Variants in TENM3 observed in about 807,000 individuals in gnomAD.
TENM3 encodes the protein teneurin-3.
TENM3 carries 63 observed loss-of-function variants against 255.1 expected under a neutral mutation model. The ratio of observed to expected loss-of-function variants is 0.25; its 90% CI spans 0.20 to 0.30. TENM3 has a LOEUF of 0.30. Among genes scored for constraint, TENM3 ranks in the 10% least tolerant of loss-of-function variants. TENM3 has a pLI of 1.00. For synonymous variants in TENM3, 1,306 were observed against 1,322.3 expected, an observed-to-expected ratio of 0.99 and a Z score of 0.27; for missense variants, 2,929 against 3,461.1, an observed-to-expected ratio of 0.85 and a Z score of 3.86.
the TENM3 span, among the ~76,000 whole-genome samples, chr4:181,632,257 G>A: frequency 7.2e-5 from 11 of 152,178 alleles, no homozygotes; most frequent in South Asian, 4.2e-4. Context: ...CTTTTAAACC[G>A]TCATATCTCG....
chr4:182,449,143 T>G lies in TENM3; in HGVS notation c.511+102214T>G, dbSNP rs1038162867. 2.1e-3 allele frequency: 418 copies of G among 194,750 alleles called. 1 individual carries two copies. The highest frequency in any genetic ancestry group is 3.3e-3 in the Non-Finnish European group (330 of 100,166). 12.1% of individuals were successfully genotyped at this position (194,750 alleles called of 1,614,324 possible). A position where few individuals can be genotyped will look rare whatever the true frequency, so the allele number is the denominator to read the frequency against. ...CGGGCTGGCGGAGCGCGGCTCCCGG[T>G]GAGGCTCCCCGCGCGGCAGGGTCGC... On this transcript the variant is annotated intron_variant, in intron 3 of 27. Transcript: ENST00000511685.
intron 1 of TENM3, among the ~76,000 whole-genome samples, chr4:182,322,063 A>G (rs1029449083): frequency 1.3e-5 from 2 of 152,190 alleles, no homozygotes; most frequent in African/African-American, 4.8e-5. Context: ...ATACCTTGAA[A>G]TTGTTTATTA....
chr4:182,393,243 A>G (rs1351732472), intron 3 of TENM3, among the ~76,000 whole-genome samples: 6 of 152,212 alleles, frequency 3.9e-5, no homozygotes, highest in Admixed American at 2.6e-4. Flanking sequence ...TTAGTTCAAT[A>G]TGGCCTGTCA....
At chr4:182,271,118 C>T (rs185609537) in intron 1 of TENM3, among the ~76,000 whole-genome samples, 76 of 152,218 alleles carry the variant, frequency 5.0e-4, no homozygotes, top group Middle Eastern at 3.4e-3. Flanking sequence ...ATAGAAATTC[C>T]TCCTGCTAAG....
At chr4:181,531,362 G>T in the TENM3 span, among the ~76,000 whole-genome samples, 2 of 152,144 alleles carry the variant, frequency 1.3e-5, no homozygotes, top group African/African-American at 4.8e-5. Context: ...TCAATTCTTG[G>T]CTTAGCTTTG....
the TENM3 span, among the ~76,000 whole-genome samples, chr4:182,127,759 G>C: frequency 1.3e-5 from 2 of 152,092 alleles, no homozygotes; most frequent in Non-Finnish European, 2.9e-5. Context: ...GCAAGCAATG[G>C]TTTTGCAATT....
intron 1 of TENM3, among the ~76,000 whole-genome samples, chr4:182,180,123 T>C (rs1302820561): frequency 2.2e-5 from 3 of 138,368 alleles, no homozygotes; most frequent in Non-Finnish European, 5.1e-5. Flanking sequence ...AAAAAAAAAA[T>C]CGAAGAGTTT....
At chr4:181,524,701 C>G in the TENM3 span, among the ~76,000 whole-genome samples, 1 of 152,112 alleles carries the variant, frequency 6.6e-6, no homozygotes, top group Non-Finnish European at 1.5e-5. Flanking sequence ...AATAATGAAA[C>G]AGAACAGGGG....
At chr4:182,057,779 G>A in the TENM3 span, among the ~76,000 whole-genome samples, 303 of 151,980 alleles carry the variant, frequency 2.0e-3, no homozygotes, top group Non-Finnish European at 3.2e-3. Flanking sequence ...TGAGGTAATC[G>A]CACAGTTTGG....
chr4:182,330,771 G>A (rs1044191714), intron 2 of TENM3, among the ~76,000 whole-genome samples: 2 of 152,212 alleles, frequency 1.3e-5, no homozygotes, highest in African/African-American at 2.4e-5. Flanking sequence ...AGTGTATATA[G>A]TTAAATCTCA....
intron 1 of TENM3, among the ~76,000 whole-genome samples, chr4:182,177,958 G>GC: frequency 8.5e-6 from 1 of 117,146 alleles, no homozygotes. Flanking sequence ...TTTGGTTTTT[G>GC]TTTTTTTTTT....
chr4:182,075,323 T>C, the TENM3 span, among the ~76,000 whole-genome samples: 6 of 150,238 alleles, frequency 4.0e-5, no homozygotes, highest in South Asian at 2.1e-4. Context: ...CTCAGCCTCC[T>C]GAGTAGCTGG....
chr4:182,792,658 A>T lies in TENM3; in HGVS notation c.5986A>T (p.Ile1996Phe). 6.2e-7 allele frequency: 1 copy of T among 1,613,990 alleles called. No individual in the cohort carries two copies. Among genetic ancestry groups the T allele is most frequent in the Non-Finnish European group, 8.5e-7 (1 of 1,179,890 alleles). ...GFICTIRYRQIGPLIDRQIFR... is the reference protein window; with the variant it reads ...GFICTIRYRQFGPLIDRQIFR... ...TATTTGCACCATTAGATACAGGCAA[A>T]TTGGTCCCCTGATTGACAGGCAGAT... Residue 1996 changes from isoleucine to phenylalanine, a missense_variant, in exon 26 of 28, where the codon ATT becomes TTT. Coordinates refer to ENST00000511685, the MANE Select transcript of TENM3 (RefSeq NM_001080477.4). The surrounding 1 kb of genome is among the most constrained non-coding windows in gnomAD (Gnocchi z 6.3).
chr4:182,406,426 A>C (rs984449117), intron 3 of TENM3, among the ~76,000 whole-genome samples: 10 of 152,254 alleles, frequency 6.6e-5, no homozygotes, highest in African/African-American at 2.4e-4. Context: ...AAAGTATTTC[A>C]AAAGAAGAAT....
intron 3 of TENM3, among the ~76,000 whole-genome samples, chr4:182,442,847 T>TATATAC (rs1376029701): frequency 1.3e-3 from 198 of 147,864 alleles, no homozygotes; most frequent in East Asian, 9.8e-3. Context: ...CATACATATA[T>TATATAC]ACACACACAC....
chr4:181,803,000 GCTATTTTATAACATT>G, the TENM3 span, among the ~76,000 whole-genome samples: 3 of 152,182 alleles, frequency 2.0e-5, no homozygotes, highest in Non-Finnish European at 1.5e-5. Flanking sequence ...TAGAATAGAG[GCTATTTTATAACATT>G]AGAGCACAAG....
intron 3 of TENM3, among the ~76,000 whole-genome samples, chr4:182,425,305 T>C (rs559455024): frequency 6.6e-6 from 1 of 152,378 alleles, no homozygotes; most frequent in Admixed American, 6.5e-5. Context: ...CAAATTGTTC[T>C]GGTTGCTTAA....
intron 4 of TENM3, among the ~76,000 whole-genome samples, chr4:182,627,461 A>C (rs1480722927): frequency 6.6e-6 from 1 of 152,148 alleles, no homozygotes; most frequent in Non-Finnish European, 1.5e-5. Flanking sequence ...ATATACAATA[A>C]GTATATGAGT....
At chr4:181,456,424 A>T in the TENM3 span, among the ~76,000 whole-genome samples, 1,082 of 152,042 alleles carry the variant, frequency 7.1e-3, 7 homozygotes, top group Non-Finnish European at 0.012. Flanking sequence ...AAAACCAAGG[A>T]ACGAACGAGG....
Sources: gnomAD v4.1 joint callset for allele counts (sites outside exome capture counted in the v4.1 genomes callset) on GRCh38, gnomAD v4.1.1 for gene constraint, Gnocchi (gnomAD v3.1) non-coding constraint, MANE v1.5 for transcripts, NCBI Gene and HGNC (gene_info 2026-07-23, HGNC 2026-07-21) for gene names.